Variants in EFCAB13 observed in about 807,000 individuals in gnomAD.
EFCAB13 encodes EF-hand calcium-binding domain-containing protein 13.
Under a neutral mutation model 110.2 loss-of-function variants are expected in EFCAB13, and 91 were observed. The ratio of observed to expected loss-of-function variants is 0.83; its 90% CI spans 0.70 to 0.98. EFCAB13 has a LOEUF of 0.98. Among genes scored for constraint, EFCAB13 ranks in the 50% least tolerant of loss-of-function variants. The probability of loss-of-function intolerance (pLI) is 0.00; values close to 1 mark genes in which losing one functional copy is unlikely to be tolerated. For synonymous variants in EFCAB13, 323 were observed against 369.9 expected, an observed-to-expected ratio of 0.87 and a Z score of 1.45; for missense variants, 968 against 1,119.4, an observed-to-expected ratio of 0.86 and a Z score of 1.93.
At chr17:47,408,123 T>C (rs141838381) in intron 20 of EFCAB13, among the ~76,000 whole-genome samples, 2 of 152,376 alleles carry the variant, frequency 1.3e-5, no homozygotes, top group Non-Finnish European at 2.9e-5. Context: ...TAGAGAGGTC[T>C]TAATGGTTTT....
intron 23 of EFCAB13, among the ~76,000 whole-genome samples, chr17:47,418,600 T>C (rs1368620328): frequency 6.6e-6 from 1 of 152,256 alleles, no homozygotes; most frequent in African/African-American, 2.4e-5. Context: ...GTTCAATTTA[T>C]ATTTTATTTT....
At chr17:47,352,094 G>A (rs1401785831) in intron 9 of EFCAB13, among the ~76,000 whole-genome samples, 2 of 151,052 alleles carry the variant, frequency 1.3e-5, no homozygotes, top group Admixed American at 1.3e-4. Flanking sequence ...AGTAGAGACG[G>A]GGTTTCACCG....
intron 5 of EFCAB13, among the ~76,000 whole-genome samples, chr17:47,340,704 A>G (rs1052453709): frequency 2.7e-5 from 4 of 150,510 alleles, no homozygotes; most frequent in Non-Finnish European, 3.0e-5. Flanking sequence ...GGTTCAAGCA[A>G]TTCTCCTGCC....
chr17:47,341,773 A>G (rs11652957), intron 5 of EFCAB13, 148 bp from the exon 6 acceptor site: 97,662 of 569,020 alleles, frequency 0.17, 9,350 homozygotes, highest in Non-Finnish European at 0.21. Context: ...CAGGGATGGG[A>G]TATAGATGGA....
intron 23 of EFCAB13, 42 bp from the exon 24 acceptor site, chr17:47,429,776 A>G (rs746044299): frequency 3.2e-6 from 5 of 1,541,372 alleles, no homozygotes; most frequent in Non-Finnish European, 4.4e-6. Context: ...CATATGCTCT[A>G]TTTCTGCTGT....
chr17:47,414,698 T>C, intron 22 of EFCAB13, 150 bp from the exon 23 acceptor site: 1 of 637,412 alleles, frequency 1.6e-6, no homozygotes, highest in Non-Finnish European at 2.8e-6. Context: ...TAAAAAGTGT[T>C]AAAAGTTCTA....
Position 47,413,585 on chromosome 17 carries a change from T to A in EFCAB13, c.2422+669T>A, listed in dbSNP as rs1904325490. ...ATACCTCTCCAGTACAGTTTAGTTA[T>A]TGATTTTGCCAGGTTCCCCAGATTG... On this transcript the variant is annotated intron_variant, in intron 22 of 24. Coordinates refer to ENST00000331493, the MANE Select transcript of EFCAB13 (RefSeq NM_152347.5). Among the ~76,000 whole-genome samples, 4 of 152,170 alleles carry A rather than the reference T, an allele frequency of 2.6e-5. No individual in the cohort carries two copies. The South Asian group carries it at 8.3e-4, about 32-fold the overall frequency.
At chr17:47,414,631 T>G (rs1904370904) in intron 22 of EFCAB13, among the ~76,000 whole-genome samples, 1 of 152,154 alleles carries the variant, frequency 6.6e-6, no homozygotes, top group Non-Finnish European at 1.5e-5. Flanking sequence ...TATAAGGAAC[T>G]CAAAAATGTT....
intron 13 of EFCAB13, 95 bp downstream of exon 13, chr17:47,377,998 GGAATGGGACA>G (rs1232907215): frequency 6.7e-6 from 8 of 1,194,930 alleles, no homozygotes; most frequent in Non-Finnish European, 9.2e-6. Flanking sequence ...TTAGAAATTA[GGAATGGGACA>G]GAATGGGTCA....
At chr17:47,424,065 C>A (rs557334105) in intron 23 of EFCAB13, among the ~76,000 whole-genome samples, 2 of 152,302 alleles carry the variant, frequency 1.3e-5, no homozygotes, top group African/African-American at 4.8e-5. Context: ...GCTCGGGGTC[C>A]CCTTCATCCC....
In EFCAB13 at chr17:47,382,559, A is replaced by G. The variant is rs549313006; in HGVS notation, c.1582+3306A>G. On this transcript the variant is annotated intron_variant, in intron 14 of 24. Transcript: ENST00000331493. The stretch of plus-strand genomic sequence containing the variant: ...AATACCTAGTTTATTGAGAGTTTTT[A>G]GCATGAAGGGGTGCTTAATTTTATT... Among the ~76,000 whole-genome samples the G allele has an allele frequency of 2.9e-4, 44 of 152,312 alleles. No homozygotes were observed. In the South Asian group the frequency reaches 8.1e-3, roughly 28 times the overall value.
At chr17:47,389,659 A>G (rs2065695367) in intron 14 of EFCAB13, among the ~76,000 whole-genome samples, 1 of 149,158 alleles carries the variant, frequency 6.7e-6, no homozygotes, top group Admixed American at 6.7e-5. Flanking sequence ...TTGGAAACTC[A>G]TTCTCTTCTT....
At position 47,345,004 on chromosome 17, in the gene EFCAB13, T is replaced by C. The variant is rs753511640; in HGVS notation, c.435-12T>C. On this transcript the variant is annotated splice_polypyrimidine_tract_variant and intron_variant, in intron 7 of 24. Coordinates refer to ENST00000331493, the MANE Select transcript of EFCAB13 (RefSeq NM_152347.5). ...TCATTGCCACTTTCTAATATGGCTG[T>C]TTCTTTGACAGGGAAAAGGAAATGC... 7.5e-6 allele frequency: 12 copies of C among 1,596,732 alleles called. No individual in the cohort carries two copies. The Admixed American group carries it at 1.2e-4, about 16-fold the overall frequency.
Position 47,381,892 on chromosome 17 carries a change from G to GA in EFCAB13, c.1582+2642dup, listed in dbSNP as rs200078010. Among the ~76,000 whole-genome samples, 652 of 152,264 alleles carry GA rather than the reference G, an allele frequency of 4.3e-3. 19 individuals carry two copies. In the East Asian group the frequency reaches 0.065, roughly 15 times the overall value. On this transcript the variant is annotated intron_variant, in intron 14 of 24. Coordinates refer to ENST00000331493, the MANE Select transcript of EFCAB13 (RefSeq NM_152347.5). Reference sequence around the variant, plus strand: ...TAAAGTAGTTTTTTAATTCTGTGAAGAAAGTCAATGGTAGCTTGATGGGGA... The same window carrying GA: ...TAAAGTAGTTTTTTAATTCTGTGAAGAAAAGTCAATGGTAGCTTGATGGGGA...
chr17:47,404,169 A>C (rs1427806368), intron 19 of EFCAB13, 148 bp downstream of exon 19: 3 of 660,482 alleles, frequency 4.5e-6, no homozygotes, highest in Admixed American at 3.5e-5. Flanking sequence ...AGTTATGAGA[A>C]TACTTCTATA....
intron 14 of EFCAB13, among the ~76,000 whole-genome samples, chr17:47,382,167 C>T (rs1252461290): frequency 1.3e-5 from 2 of 151,852 alleles, no homozygotes; most frequent in Admixed American, 6.6e-5. Flanking sequence ...TGCCCGTTTT[C>T]GATGTATAGG....
chr17:47,328,183 T>C (rs1047553409), intron 3 of EFCAB13, 86 bp from the exon 4 acceptor site: 2 of 686,118 alleles, frequency 2.9e-6, no homozygotes, highest in Non-Finnish European at 5.3e-6. Flanking sequence ...CAGTGTTACA[T>C]TGAAGAGATA....
chr17:47,347,788 G>T lies in EFCAB13; in HGVS notation c.518-20G>T. 7.2e-7 allele frequency: 1 copy of T among 1,390,242 alleles called. No individual in the cohort carries two copies. 86.1% of individuals were successfully genotyped at this position (1,390,242 alleles called of 1,614,324 possible). A position where few individuals can be genotyped will look rare whatever the true frequency, so the allele number is the denominator to read the frequency against. On this transcript the variant is annotated intron_variant, in intron 8 of 24. Transcript: ENST00000331493. ...ATTCTTTTTGATTAACTAACTAAAT[G>T]TTTTGTTATGTGTGTGCAGCACTTC...
intron 6 of EFCAB13, among the ~76,000 whole-genome samples, chr17:47,343,113 A>T (rs943651959): frequency 5.9e-5 from 9 of 152,008 alleles, no homozygotes; most frequent in African/African-American, 2.2e-4. Context: ...ACTCATGTTA[A>T]CTTGTTCTTT....
Sources: allele counts gnomAD v4.1 joint callset (sites outside exome capture counted in the v4.1 genomes callset), GRCh38; gene constraint gnomAD v4.1.1; transcripts MANE v1.5; gene names NCBI Gene and HGNC (gene_info 2026-07-23, HGNC 2026-07-21).